Variants in SFRP4 observed in about 807,000 individuals in gnomAD.
SFRP4 encodes the protein secreted frizzled related protein 4.
Under a neutral mutation model 36.3 loss-of-function variants are expected in SFRP4, and 25 were observed. The ratio of observed to expected loss-of-function variants is 0.69; its 90% CI spans 0.50 to 0.96. The LOEUF (loss-of-function observed/expected upper bound fraction) is 0.96. Among genes scored for constraint, SFRP4 ranks in the 40% least tolerant of loss-of-function variants. The pLI is 0.00. For missense variants in SFRP4, 487 were observed against 459.6 expected, an observed-to-expected ratio of 1.06 and a Z score of -0.54; for synonymous variants, 182 against 168.8, an observed-to-expected ratio of 1.08 and a Z score of -0.60.
chr7:37,909,696 CT>C lies in SFRP4; in HGVS notation c.792-17del. ...AAGCATCATCCTGAAAAAAAATTAT[CT>C]TAGTAAACAGATTTTTATTACAAAA... On this transcript the variant is annotated splice_polypyrimidine_tract_variant and intron_variant, in intron 4 of 5. Coordinates refer to ENST00000436072, the MANE Select transcript of SFRP4 (RefSeq NM_003014.4). 2 of 1,474,220 alleles carry C rather than the reference CT, an allele frequency of 1.4e-6. No homozygotes were observed. The highest frequency in any genetic ancestry group is 1.2e-5 in the South Asian group (1 of 80,710). 91.3% of individuals were successfully genotyped at this position (1,474,220 alleles called of 1,614,324 possible).
At chr7:37,914,894 A>G (rs555951770) in intron 1 of SFRP4, among the ~76,000 whole-genome samples, 2 of 152,302 alleles carry the variant, frequency 1.3e-5, no homozygotes, top group East Asian at 1.9e-4. Context: ...AAAAATATTT[A>G]TATAAGTAAA....
At chr7:37,914,036 T>A (rs1158072548) in intron 3 of SFRP4, among the ~76,000 whole-genome samples, 177 bp downstream of exon 3, 1 of 152,258 alleles carries the variant, frequency 6.6e-6, no homozygotes, top group South Asian at 2.1e-4. Flanking sequence ...AAAAGCAAGA[T>A]ATTTTGCAGT....
chr7:37,915,253 C>T (rs932340003), intron 1 of SFRP4, among the ~76,000 whole-genome samples: 1 of 152,258 alleles, frequency 6.6e-6, no homozygotes, highest in Non-Finnish European at 1.5e-5. Context: ...GTTTTCTTTC[C>T]TAAAACTCTA....
chr7:37,907,695 A>G (rs1332841518), intron 5 of SFRP4, 31 bp from the exon 6 acceptor site: 6 of 1,548,182 alleles, frequency 3.9e-6, no homozygotes, highest in Non-Finnish European at 5.3e-6. Flanking sequence ...ATGACTGTCA[A>G]ATTATCTCAC....
In SFRP4 at chr7:37,906,246, G is replaced by T. The variant is rs1785394035; in HGVS notation, c.*1233C>A. 1 of 152,172 alleles carries T rather than the reference G, an allele frequency of 6.6e-6. No individual in the cohort carries two copies. Among genetic ancestry groups the T allele is most frequent in the Non-Finnish European group, 1.5e-5 (1 of 68,034 alleles). The allele number at this position is 152,172 out of a possible 1,614,324, so 9.4% of individuals were successfully genotyped here. On this transcript the variant is annotated 3_prime_UTR_variant, in exon 6 of 6. Transcript: ENST00000436072. The stretch of plus-strand genomic sequence containing the variant: ...CTCTGTGTAGTGGAGAGTAGGATTA[G>T]ATAGGATTTTATTTCCTTTGGGCGT...
In SFRP4 at chr7:37,912,205, G is replaced by A; in HGVS notation, c.705C>T (p.Val235=). 1.9e-6 allele frequency: 3 copies of A among 1,614,124 alleles called. No individual in the cohort carries two copies. Among genetic ancestry groups the A allele is most frequent in the African/African-American group, 1.3e-5 (1 of 75,028 alleles). ...GGCAAGAAGAATTTGTAATGAGCGG[G>A]ACTTGAGTTCGAGGGATGGGTGATG... ...KSSSPIPRTQ[V]PLITNSSCQC... Residue 235 remains valine, a synonymous_variant, in exon 4 of 6, where the codon GTC becomes GTT. Coordinates refer to ENST00000436072, the MANE Select transcript of SFRP4 (RefSeq NM_003014.4).
At position 37,906,517 on chromosome 7, in the gene SFRP4, A is replaced by C. The variant is rs1273880390; in HGVS notation, c.*962T>G. On this transcript the variant is annotated 3_prime_UTR_variant, in exon 6 of 6. Transcript: ENST00000436072. ...TATTTAACTCCTCTCACATGTATTT[A>C]GGCAAAGAAAATATTTAAATGAAGA... is the stretch of plus-strand genomic sequence containing the variant. 6.6e-6 allele frequency: 1 copy of C among 152,196 alleles called. No individual in the cohort carries two copies. The highest frequency in any genetic ancestry group is 1.9e-4 in the East Asian group (1 of 5,204). 9.4% of individuals were successfully genotyped at this position (152,196 alleles called of 1,614,324 possible).
intron 1 of SFRP4, among the ~76,000 whole-genome samples, chr7:37,915,445 AT>A (rs1187461839): frequency 6.6e-6 from 1 of 152,234 alleles, no homozygotes. Context: ...CCTAGGTTTC[AT>A]TTCAAGAAGT....
intron 3 of SFRP4, among the ~76,000 whole-genome samples, chr7:37,913,143 G>C (rs553141490): frequency 6.6e-6 from 1 of 152,322 alleles, no homozygotes; most frequent in African/African-American, 2.4e-5. Context: ...AAGTAAATCA[G>C]ATGAGGATGG....
intron 1 of SFRP4, 60 bp from the exon 2 acceptor site, chr7:37,914,513 G>A: frequency 8.7e-7 from 1 of 1,154,078 alleles, no homozygotes; most frequent in Non-Finnish European, 1.3e-6. Flanking sequence ...CACCCAGCTG[G>A]TATAAAGAGC....
rs774498552 is a variant in SFRP4, at chr7:37,916,642, G to A, written c.-105C>T. The A allele has an allele frequency of 4.8e-6, 7 of 1,448,928 alleles. No homozygotes were observed. The highest frequency in any genetic ancestry group is 1.4e-5 in the African/African-American group (1 of 70,632). 89.8% of individuals were successfully genotyped at this position (1,448,928 alleles called of 1,614,324 possible). ...TTCGCCGAGGAAGAAATCCTCTGGGGCGCAGGAGAGTTTCTTCCCCCAAAC... is the reference window on the plus strand; with the variant it reads ...TTCGCCGAGGAAGAAATCCTCTGGGACGCAGGAGAGTTTCTTCCCCCAAAC... On this transcript the variant is annotated 5_prime_UTR_variant, in exon 1 of 6. Transcript: ENST00000436072. This position sits in a 1 kb window ranked among gnomAD's most constrained non-coding sequence, Gnocchi z 4.1.
At chr7:37,914,634 G>A (rs1279754760) in intron 1 of SFRP4, among the ~76,000 whole-genome samples, 181 bp from the exon 2 acceptor site, 1 of 152,224 alleles carries the variant, frequency 6.6e-6, no homozygotes, top group Non-Finnish European at 1.5e-5. Context: ...GGAAGCCAAG[G>A]AGGGCAGATC....
rs557351351 is a variant in SFRP4, at chr7:37,906,190, A to T, written c.*1289T>A. ...ATAAGTGCATAAGAAACACCTGGAG[A>T]ATAATATGCCAAAATACTAATAGTG... is the stretch of plus-strand genomic sequence containing the variant. On this transcript the variant is annotated 3_prime_UTR_variant, in exon 6 of 6. Transcript: ENST00000436072. The T allele has an allele frequency of 6.6e-6, 1 of 152,300 alleles. No individual in the cohort carries two copies. The highest frequency in any genetic ancestry group is 2.4e-5 in the African/African-American group (1 of 41,570). The allele number at this position is 152,300 out of a possible 1,614,324, so 9.4% of individuals were successfully genotyped here.
At position 37,914,479 on chromosome 7, in the gene SFRP4, G is replaced by A. The variant is rs576293487; in HGVS notation, c.446-26C>T. 23 of 1,579,578 alleles carry A rather than the reference G, an allele frequency of 1.5e-5. No homozygotes were observed. In the African/African-American group the frequency reaches 2.2e-4, roughly 15 times the overall value. Reference sequence around the variant, plus strand: ...CTGAAACACAAACAGGGCCACATGGGCGTGGTTGGTGATTTGGTCTGTTCA... The same window carrying A: ...CTGAAACACAAACAGGGCCACATGGACGTGGTTGGTGATTTGGTCTGTTCA... On this transcript the variant is annotated intron_variant, in intron 1 of 5. Transcript: ENST00000436072.
rs748527273 is a variant in SFRP4, at chr7:37,907,486, C to G, written c.1034G>C (p.Arg345Thr). Residue 345 changes from arginine (R) to threonine (T), a missense_variant, in exon 6 of 6, where the codon AGA becomes ACA. Transcript: ENST00000436072. ...RSAQKRTNPK[R>T]V is the part of the protein sequence containing the mutation. ...CTTTGGAAACTAGTTAGCTCACACT[C>G]TTTTCGGGTTTGTTCTCTTCTGGGC... 2.5e-6 allele frequency: 4 copies of G among 1,612,784 alleles called. No individual in the cohort carries two copies. The highest frequency in any genetic ancestry group is 4.5e-5 in the East Asian group (2 of 44,888).
chr7:37,916,651 A>G lies in SFRP4; in HGVS notation c.-114T>C, dbSNP rs942102364. The G allele has an allele frequency of 1.1e-5, 15 of 1,426,156 alleles. No individual in the cohort carries two copies. The African/African-American group carries it at 2.0e-4, about 19-fold the overall frequency. The allele number at this position is 1,426,156 out of a possible 1,614,324, so 88.3% of individuals were successfully genotyped here. On this transcript the variant is annotated 5_prime_UTR_variant, in exon 1 of 6. Transcript: ENST00000436072. The surrounding 1 kb of genome is among the most constrained non-coding windows in gnomAD (Gnocchi z 4.1). ...GAAGAAATCCTCTGGGGCGCAGGAG[A>G]GTTTCTTCCCCCAAACTCCAGTCGG...
chr7:37,914,720 C>T (rs1302308605), intron 1 of SFRP4, among the ~76,000 whole-genome samples: 1 of 152,068 alleles, frequency 6.6e-6, no homozygotes, highest in Admixed American at 6.6e-5. Context: ...CAAAAATTAG[C>T]CAGGCATGGT....
intron 4 of SFRP4, among the ~76,000 whole-genome samples, chr7:37,911,916 A>G (rs1293407944): frequency 6.6e-6 from 1 of 152,228 alleles, no homozygotes; most frequent in Non-Finnish European, 1.5e-5. Context: ...ACTCTATTCA[A>G]ATACTCATAT....
Position 37,916,288 on chromosome 7 carries a change from T to C in SFRP4, c.250A>G (p.Ile84Val). The change falls in exon 1 of 6, where the codon ATT becomes GTT. Residue 84 changes from isoleucine to valine, a missense_variant. Transcript: ENST00000436072. The surrounding 1 kb of genome is among the most constrained non-coding windows in gnomAD (Gnocchi z 4.1). ...TCGTGCAGGAACTCCAGGGTGCAAA[T>C]GGGCGCGTACATGGCACAGAGGAAG... ...RFFLCAMYAP[I>V]CTLEFLHDPI... The C allele has an allele frequency of 1.9e-6, 3 of 1,614,082 alleles. No homozygotes were observed. Among genetic ancestry groups the C allele is most frequent in the Non-Finnish European group, 2.5e-6 (3 of 1,180,014 alleles).
Sources: gnomAD v4.1 joint callset for allele counts (sites outside exome capture counted in the v4.1 genomes callset) on GRCh38, gnomAD v4.1.1 for gene constraint, Gnocchi (gnomAD v3.1) non-coding constraint, MANE v1.5 for transcripts, NCBI Gene and HGNC (gene_info 2026-07-23, HGNC 2026-07-21) for gene names.